Variants in HPN observed in about 807,000 individuals in gnomAD.
HPN encodes serine protease hepsin.
A neutral mutation model predicts 55.9 loss-of-function variants in HPN; 13 were observed. The ratio of observed to expected loss-of-function variants is 0.23; its 90% confidence interval spans 0.15 to 0.37. The LOEUF (loss-of-function observed/expected upper bound fraction) is 0.37. Among genes scored for constraint, HPN ranks in the 10% least tolerant of loss-of-function variants. The pLI is 1.00. For synonymous variants in HPN, 225 were observed against 240.3 expected (o/e 0.94, Z 0.59); for missense variants, 451 against 575.8 (o/e 0.78, Z 2.22).
intron 4 of HPN, among the ~76,000 whole-genome samples, chr19:35,058,608 T>C (rs1568360847): frequency 3.4e-5 from 5 of 146,968 alleles, no homozygotes; most frequent in East Asian, 3.9e-4. Flanking sequence ...TAACAATATA[T>C]TAATATTATA....
At chr19:35,045,077 G>A (rs2064328794) in intron 2 of HPN, among the ~76,000 whole-genome samples, 1 of 152,054 alleles carries the variant, frequency 6.6e-6, no homozygotes, top group South Asian at 2.1e-4. Flanking sequence ...GACCTGGTAG[G>A]GGCAAAGGGA....
chr19:35,059,155 C>T (rs2064492988), intron 4 of HPN: 1 of 240,684 alleles, frequency 4.2e-6, no homozygotes, highest in South Asian at 4.5e-5. Context: ...TTGGTCCGAC[C>T]TGAGTCCTTG....
chr19:35,060,157 G>A lies in HPN; in HGVS notation c.442G>A (p.Ala148Thr), dbSNP rs1400669630. 7 of 1,614,058 alleles carry A rather than the reference G, an allele frequency of 4.3e-6. No individual in the cohort carries two copies. Among genetic ancestry groups the A allele is most frequent in the East Asian group, 2.2e-5 (1 of 44,874 alleles). ...CDCPRGRFLA[A>T]ICQDCGRRKL... ...TTGCCCCAGAGGCCGTTTCTTGGCC[G>A]CCATCTGCCAAGGTGAGATCCTAAA... is the stretch of plus-strand genomic sequence containing the variant. The change falls in exon 7 of 13, where the codon GCC becomes ACC. Residue 148 changes from alanine to threonine, a missense_variant. Physicochemically the swap from Ala to Thr is moderately conservative, Grantham distance 58. Transcript: ENST00000672452.
intron 9 of HPN, among the ~76,000 whole-genome samples, chr19:35,061,095 CTG>C (rs1488417583): frequency 1.3e-5 from 2 of 152,216 alleles, no homozygotes; most frequent in East Asian, 1.9e-4. Context: ...CAAATGGAAA[CTG>C]TGTCTGCACC....
At chr19:35,059,272 G>A in intron 4 of HPN, 1 of 348,096 alleles carries the variant, frequency 2.9e-6, no homozygotes, top group East Asian at 7.8e-5. Flanking sequence ...GACCAGCCTG[G>A]GCAACATAGC....
At chr19:35,042,665 C>T in intron 2 of HPN, 143 bp downstream of exon 2, 4 of 656,782 alleles carry the variant, frequency 6.1e-6, no homozygotes, top group Non-Finnish European at 1.1e-5. Flanking sequence ...AGTCCTCCTC[C>T]ACCTGATTAA....
intron 4 of HPN, among the ~76,000 whole-genome samples, chr19:35,049,863 T>G (rs77824553): frequency 9.5e-5 from 4 of 42,324 alleles, no homozygotes; most frequent in Non-Finnish European, 2.1e-4. Flanking sequence ...TTTTGTTTGT[T>G]TTTTTTTTTT....
Position 35,059,689 on chromosome 19 carries a change from G to C in HPN, c.177G>C (p.Ala59=). The C allele has an allele frequency of 1.9e-6, 3 of 1,598,632 alleles. No individual in the cohort carries two copies. Among genetic ancestry groups the C allele is most frequent in the Middle Eastern group, 1.7e-4 (1 of 6,048 alleles). ...EPLYPVQVSS[A]DARLMVFDKT... ...GCCCTGCAGTGCAGGTCAGCTCTGC[G>C]GACGCTCGGCTCATGGTCTTTGACA... The change falls in exon 5 of 13, where the codon GCG becomes GCC. Residue 59 remains alanine (A), a synonymous_variant. Transcript: ENST00000672452.
chr19:35,063,879 C>T (rs1385826282), intron 9 of HPN, among the ~76,000 whole-genome samples: 1 of 152,136 alleles, frequency 6.6e-6, no homozygotes, highest in Non-Finnish European at 1.5e-5. Context: ...TTTCCCTTAT[C>T]TGTAAAATGA....
intron 4 of HPN, 137 bp from the exon 5 acceptor site, chr19:35,059,536 C>T (rs1202416630): frequency 1.8e-6 from 2 of 1,117,294 alleles, no homozygotes; most frequent in Non-Finnish European, 2.6e-6. Context: ...GATGTGGGGG[C>T]TGCAACCCTC....
Position 35,065,530 on chromosome 19 carries a change from CACCCCCAG to C in HPN, c.908-8_908-1del. On this transcript the variant is annotated splice_acceptor_variant and splice_polypyrimidine_tract_variant and intron_variant, in intron 10 of 12. Coordinates refer to ENST00000672452, the MANE Select transcript of HPN (RefSeq NM_001384133.1). LOFTEE classifies it high-confidence loss of function. ...CCAGCTCTGGCCAGCCTTGCCTGCA[CACCCCCAG>C]GCCAACAGGCCGGGGTACTCCAGGA... 6.2e-7 allele frequency: 1 copy of C among 1,613,670 alleles called. No homozygotes were observed. Among genetic ancestry groups the C allele is most frequent in the Non-Finnish European group, 8.5e-7 (1 of 1,179,862 alleles).
rs761207239 is a variant in HPN, at chr19:35,060,509, C to T, written c.617C>T (p.Pro206Leu). ...GTGCTGACAGCCGCCCACTGCTTCC[C>T]GGAGTGAGTGCCCCCCAATGGCGCT... is the stretch of plus-strand genomic sequence containing the variant. ...DWVLTAAHCF[P>L]ERNRVLSRWR... The change falls in exon 8 of 13, where the codon CCG (proline) becomes CTG (leucine). Residue 206 changes from proline (P) to leucine (L), a missense_variant. Transcript: ENST00000672452. 8.1e-6 allele frequency: 13 copies of T among 1,612,584 alleles called. No homozygotes were observed. The highest frequency in any genetic ancestry group is 1.1e-5 in the South Asian group (1 of 91,054).
At position 35,041,761 on chromosome 19, in the gene HPN, C is replaced by G; in HGVS notation, c.-166C>G. ...CCTAGCAGGCCCCACGCCACCGCCT[C>G]TGCCTCCAGGCCGCCCGCTGCTGCG... On this transcript the variant is annotated 5_prime_UTR_variant, in exon 1 of 13. Transcript: ENST00000672452. 1 of 1,294,514 alleles carries G rather than the reference C, an allele frequency of 7.7e-7. No individual in the cohort carries two copies. Among genetic ancestry groups the G allele is most frequent in the Non-Finnish European group, 1.0e-6 (1 of 994,530 alleles). The allele number at this position is 1,294,514 out of a possible 1,614,324, so 80.2% of individuals were successfully genotyped here.
chr19:35,054,162 A>G (rs578244148), intron 4 of HPN, among the ~76,000 whole-genome samples: 1 of 152,340 alleles, frequency 6.6e-6, no homozygotes, highest in African/African-American at 2.4e-5. Flanking sequence ...TCACGCCTGT[A>G]ATCCCAGCAC....
chr19:35,049,252 C>CA (rs1568356888), intron 2 of HPN, 38 bp from the exon 3 acceptor site: 1 of 1,457,300 alleles, frequency 6.9e-7, no homozygotes, highest in Admixed American at 2.2e-5. Context: ...GCAATGAGGA[C>CA]AGGCCTGGCT....
At chr19:35,043,558 G>A (rs898172908) in intron 2 of HPN, among the ~76,000 whole-genome samples, 2 of 152,194 alleles carry the variant, frequency 1.3e-5, no homozygotes, top group African/African-American at 4.8e-5. Context: ...AGCGTGGGGC[G>A]AGGCCTGAAA....
At chr19:35,064,779 C>T (rs36134907) in intron 9 of HPN, among the ~76,000 whole-genome samples, 21,102 of 151,812 alleles carry the variant, frequency 0.14, 1,551 homozygotes, top group African/African-American at 0.19. Flanking sequence ...GCCTAGTATG[C>T]GATGAGCTCT....
At chr19:35,055,460 C>G (rs2064445956) in intron 4 of HPN, among the ~76,000 whole-genome samples, 1 of 151,956 alleles carries the variant, frequency 6.6e-6, no homozygotes, top group African/African-American at 2.4e-5. Context: ...CACAGCTGAT[C>G]TCTCCCTGAA....
chr19:35,059,621 T>C (rs769618863), intron 4 of HPN, 52 bp from the exon 5 acceptor site: 2 of 1,555,870 alleles, frequency 1.3e-6, no homozygotes, highest in Non-Finnish European at 1.7e-6. Context: ...GGGAAGCATG[T>C]GGGGAGCCTG....
Sources: allele counts gnomAD v4.1 joint callset (sites outside exome capture counted in the v4.1 genomes callset), GRCh38; gene constraint gnomAD v4.1.1; transcripts MANE v1.5; gene names NCBI Gene and HGNC (gene_info 2026-07-23, HGNC 2026-07-21).